KCNIP1: variants seen among roughly 807,000 people sequenced by gnomAD.
The protein encoded by KCNIP1 is potassium voltage-gated channel interacting protein 1, also known as A-type potassium channel modulatory protein KCNIP1.
KCNIP1 carries 18 observed loss-of-function variants against 33.0 expected under a neutral mutation model. The ratio of observed to expected loss-of-function variants is 0.55; its 90% CI spans 0.38 to 0.81. The LOEUF (loss-of-function observed/expected upper bound fraction) is 0.81. KCNIP1 is among the 30% of genes least tolerant of loss of function. KCNIP1 has a pLI of 0.00. For synonymous variants in KCNIP1, 93 were observed against 98.3 expected, an observed-to-expected ratio of 0.95 and a Z score of 0.32; for missense variants, 238 against 271.6, an observed-to-expected ratio of 0.88 and a Z score of 0.87.
chr5:170,587,277 C>T (rs996547751), intron 1 of KCNIP1, among the ~76,000 whole-genome samples: 9 of 96,874 alleles, frequency 9.3e-5, no homozygotes, highest in African/African-American at 2.0e-4. Context: ...AAAAATTAGC[C>T]GGGTGTGACT....
At chr5:170,456,696 TC>T (rs2076911939) in intron 1 of KCNIP1, among the ~76,000 whole-genome samples, 1 of 94,428 alleles carries the variant, frequency 1.1e-5, no homozygotes, top group African/African-American at 4.3e-5. Flanking sequence ...TCTCTCTCTC[TC>T]TCTTTTTCTT....
At chr5:170,668,406 G>A (rs1032071650) in intron 1 of KCNIP1, among the ~76,000 whole-genome samples, 4 of 152,218 alleles carry the variant, frequency 2.6e-5, no homozygotes, top group African/African-American at 9.6e-5. Context: ...GGCTGGTTCT[G>A]CTGTATGACA....
intron 1 of KCNIP1, among the ~76,000 whole-genome samples, chr5:170,689,121 A>T (rs1318281862): frequency 1.3e-5 from 2 of 152,226 alleles, no homozygotes; most frequent in East Asian, 3.8e-4. Flanking sequence ...AGGAGAATTA[A>T]CACAGGAGAG....
chr5:170,565,750 G>A lies in KCNIP1; in HGVS notation c.61+61117G>A, dbSNP rs151060776. Among the ~76,000 whole-genome samples the A allele has an allele frequency of 1.6e-4, 24 of 152,264 alleles. No homozygotes were observed. In the East Asian group the frequency reaches 4.4e-3, roughly 28 times the overall value. On this transcript the variant is annotated intron_variant, in intron 1 of 7. Coordinates refer to ENST00000328939, the MANE Select transcript of KCNIP1 (RefSeq NM_014592.4). ...TTAATCCTGCCACTTTCTCCATGTG[G>A]GACTTCTTGACCTCAGTTATTCATC...
intron 1 of KCNIP1, among the ~76,000 whole-genome samples, chr5:170,479,543 C>T (rs1380593175): frequency 2.0e-5 from 3 of 152,200 alleles, no homozygotes; most frequent in Admixed American, 2.0e-4. Flanking sequence ...TTGATCAATT[C>T]CTTTAAGACA....
chr5:170,388,653 G>C (rs1453982204), intron 1 of KCNIP1, among the ~76,000 whole-genome samples: 1 of 152,214 alleles, frequency 6.6e-6, no homozygotes, highest in Non-Finnish European at 1.5e-5. Context: ...ACAAGGAATA[G>C]AGTACATTGT....
intron 1 of KCNIP1, among the ~76,000 whole-genome samples, chr5:170,433,389 G>A (rs538161093): frequency 6.6e-6 from 1 of 152,212 alleles, no homozygotes; most frequent in African/African-American, 2.4e-5. Flanking sequence ...ATTTCACCAT[G>A]TTGGTCAGGC....
chr5:170,378,615 G>T (rs1043226550), intron 1 of KCNIP1: 3 of 1,350,678 alleles, frequency 2.2e-6, no homozygotes, highest in Non-Finnish European at 2.0e-6. Flanking sequence ...GGCAGGTGGA[G>T]AAGGCATTGT....
At chr5:170,375,179 C>G (rs1347097354) in intron 1 of KCNIP1, 1 of 152,326 alleles carries the variant, frequency 6.6e-6, no homozygotes, top group African/African-American at 2.4e-5. Context: ...CAGAGACATT[C>G]CGTGCCCCCT....
chr5:170,514,039 C>T (rs542277595), intron 1 of KCNIP1, among the ~76,000 whole-genome samples: 15 of 152,276 alleles, frequency 9.9e-5, no homozygotes, highest in South Asian at 4.1e-4. Flanking sequence ...GATCTGATTG[C>T]GAGGCACTCC....
intron 1 of KCNIP1, among the ~76,000 whole-genome samples, chr5:170,673,882 A>G (rs1256684650): frequency 1.3e-5 from 2 of 152,046 alleles, no homozygotes; most frequent in African/African-American, 4.8e-5. Context: ...GCGCTCTTAC[A>G]CATACTACTA....
At chr5:170,503,297 G>T (rs371107482), upstream of KCNIP1, among the ~76,000 whole-genome samples, 86 of 151,508 alleles carry the variant, frequency 5.7e-4, no homozygotes, top group South Asian at 0.01. Flanking sequence ...CGGAGGCTGA[G>T]GCAGGAGAAT....
intron 1 of KCNIP1, among the ~76,000 whole-genome samples, chr5:170,360,982 G>T (rs539574554): frequency 1.4e-4 from 21 of 152,338 alleles, no homozygotes; most frequent in Non-Finnish European, 2.4e-4. Flanking sequence ...TCCTGTGCTG[G>T]AGTTTGACAG....
At chr5:170,393,743 T>A (rs938633620) in intron 1 of KCNIP1, among the ~76,000 whole-genome samples, 11 of 152,102 alleles carry the variant, frequency 7.2e-5, no homozygotes, top group Non-Finnish European at 1.2e-4. Context: ...GTAAAGTTGT[T>A]CCCTGCTGTG....
intron 1 of KCNIP1, among the ~76,000 whole-genome samples, chr5:170,513,013 G>A (rs1389248837): frequency 6.6e-6 from 1 of 151,298 alleles, no homozygotes; most frequent in Admixed American, 6.6e-5. Context: ...TCGCGCCACT[G>A]CACTCCAGCC....
At chr5:170,589,990 G>A (rs1465155981) in intron 1 of KCNIP1, among the ~76,000 whole-genome samples, 2 of 152,112 alleles carry the variant, frequency 1.3e-5, no homozygotes, top group African/African-American at 4.8e-5. Flanking sequence ...TTCCCCCTCT[G>A]CAAAATGGGA....
At chr5:170,605,738 G>A (rs139686847) in intron 1 of KCNIP1, among the ~76,000 whole-genome samples, 25 of 146,644 alleles carry the variant, frequency 1.7e-4, no homozygotes, top group Admixed American at 1.2e-3. Context: ...GTCTATCTAC[G>A]TTGTAGCATG....
chr5:170,639,774 G>A (rs1039589795), intron 1 of KCNIP1, among the ~76,000 whole-genome samples: 6 of 152,182 alleles, frequency 3.9e-5, no homozygotes, highest in African/African-American at 9.7e-5. Flanking sequence ...ACTGCTCACA[G>A]GTCAGATTGC....
intron 1 of KCNIP1, among the ~76,000 whole-genome samples, chr5:170,641,660 A>G (rs1319956641): frequency 3.3e-5 from 5 of 152,138 alleles, no homozygotes; most frequent in Admixed American, 6.5e-5. Context: ...GGGGAGGCAA[A>G]GGGGTGGCGG....
Sources: gnomAD v4.1 joint callset for allele counts (sites outside exome capture counted in the v4.1 genomes callset) on GRCh38, gnomAD v4.1.1 for gene constraint, MANE v1.5 for transcripts, NCBI Gene and HGNC (gene_info 2026-07-23, HGNC 2026-07-21) for gene names.